Variants in TMEM182 observed in about 807,000 individuals in gnomAD.
TMEM182 encodes the protein transmembrane protein 182.
A neutral mutation model predicts 26.8 loss-of-function variants in TMEM182; 20 were observed. The observed-to-expected ratio is 0.75, with a 90% CI of 0.53 to 1.09. The LOEUF is 1.09. Ranked by LOEUF, TMEM182 falls within the 50% of genes least tolerant of loss-of-function variation. TMEM182 has a pLI of 0.00. For synonymous variants in TMEM182, 109 were observed against 102.2 expected, an observed-to-expected ratio of 1.07 and a Z score of -0.40; for missense variants, 277 against 275.5, an observed-to-expected ratio of 1.01 and a Z score of -0.04.
At position 102,816,819 on chromosome 2, in the gene TMEM182, A is replaced by G; in HGVS notation, c.*1851A>G. 1.0e-6 allele frequency: 1 copy of G among 985,810 alleles called. No individual in the cohort carries two copies. 61.1% of individuals were successfully genotyped at this position (985,810 alleles called of 1,614,324 possible). A position where few individuals can be genotyped will look rare whatever the true frequency, so the allele number is the denominator to read the frequency against. On this transcript the variant is annotated 3_prime_UTR_variant, in exon 5 of 5. Coordinates refer to ENST00000412401, the MANE Select transcript of TMEM182 (RefSeq NM_144632.5). ...TGTAAATACAATTCTTTTTTGTAGT[A>G]CTTTGGAATGGAGCCTTTTTCTGGT...
intron 4 of TMEM182, among the ~76,000 whole-genome samples, chr2:102,808,953 A>G (rs1318856746): frequency 6.6e-6 from 1 of 152,264 alleles, no homozygotes; most frequent in East Asian, 1.9e-4. Context: ...AGTGATGCAT[A>G]CATTCTATTT....
chr2:102,787,676 C>T (rs551456711), intron 3 of TMEM182, among the ~76,000 whole-genome samples: 2 of 152,152 alleles, frequency 1.3e-5, no homozygotes, highest in Admixed American at 6.6e-5. Flanking sequence ...GCGGACATAG[C>T]AGGAGGAGCC....
intron 4 of TMEM182, among the ~76,000 whole-genome samples, chr2:102,809,101 C>CT (rs1162141837): frequency 3.3e-5 from 5 of 152,302 alleles, no homozygotes; most frequent in South Asian, 2.1e-4. Flanking sequence ...ACCTGGAATA[C>CT]TTTTGCCCAT....
chr2:102,815,431 C>A lies in TMEM182; in HGVS notation c.*463C>A. The A allele has an allele frequency of 2.0e-6, 2 of 990,046 alleles. No homozygotes were observed. Among genetic ancestry groups the A allele is most frequent in the African/African-American group, 3.5e-5 (2 of 57,390 alleles). 61.3% of individuals were successfully genotyped at this position (990,046 alleles called of 1,614,324 possible). On this transcript the variant is annotated 3_prime_UTR_variant, in exon 5 of 5. Transcript: ENST00000412401. ...CCCACACAGATAATATCCACATACA[C>A]ATTCACTGGCTCTTGTGAGCAAATG...
chr2:102,818,008 G>A (rs1458380665), downstream of TMEM182, among the ~76,000 whole-genome samples: 1 of 152,204 alleles, frequency 6.6e-6, no homozygotes, highest in Non-Finnish European at 1.5e-5. Context: ...AAGAGACTTA[G>A]AATGTCAGAG....
intron 3 of TMEM182, among the ~76,000 whole-genome samples, chr2:102,796,548 GC>G (rs1397358875): frequency 4.6e-5 from 7 of 152,268 alleles, no homozygotes; most frequent in Non-Finnish European, 7.4e-5. Flanking sequence ...CAAATATTTG[GC>G]CACACTCTGC....
At chr2:102,762,737 A>C in intron 2 of TMEM182, 51 bp downstream of exon 2, 2 of 1,448,326 alleles carry the variant, frequency 1.4e-6, no homozygotes, top group Non-Finnish European at 1.9e-6. Context: ...ATAAAAATGA[A>C]CAGTTTCTTA....
At chr2:102,752,009 C>A (rs1249692252) in intron 1 of TMEM182, among the ~76,000 whole-genome samples, 1 of 152,146 alleles carries the variant, frequency 6.6e-6, no homozygotes, top group Non-Finnish European at 1.5e-5. Context: ...CAGAGCCCAC[C>A]CTTTTGATCT....
At chr2:102,813,488 C>A (rs1225015838) in intron 4 of TMEM182, among the ~76,000 whole-genome samples, 3 of 152,142 alleles carry the variant, frequency 2.0e-5, no homozygotes, top group Non-Finnish European at 2.9e-5. Context: ...AGATCCTTGG[C>A]ATGTTTGGAT....
chr2:102,786,449 G>A lies in TMEM182; in HGVS notation c.332-11414G>A, dbSNP rs567205467. ...AGGCTGGTCTTGAACTCCTGACCTC[G>A]TGATCCACCTGCCTTGGCCTCCCAA... On this transcript the variant is annotated intron_variant, in intron 3 of 4. Transcript: ENST00000412401. Among the ~76,000 whole-genome samples the A allele has an allele frequency of 1.8e-3, 275 of 152,184 alleles. 1 individual carries two copies. Among genetic ancestry groups the A allele is most frequent in the Non-Finnish European group, 3.2e-3 (220 of 67,998 alleles).
At chr2:102,775,856 A>C (rs963532848) in intron 3 of TMEM182, among the ~76,000 whole-genome samples, 3 of 152,190 alleles carry the variant, frequency 2.0e-5, no homozygotes, top group African/African-American at 7.2e-5. Context: ...CTCTTCAAGG[A>C]GATTTCTTTC....
At chr2:102,843,513 G>A (rs1305778371) in exon 4 of TMEM182, 3 of 152,184 alleles carry the variant, frequency 2.0e-5, no homozygotes, top group Admixed American at 6.5e-5. Flanking sequence ...ACTCCTTCAA[G>A]CCCTTATGCC....
chr2:102,816,418 T>C lies in TMEM182; in HGVS notation c.*1450T>C. The C allele has an allele frequency of 2.0e-6, 2 of 985,178 alleles. No homozygotes were observed. The highest frequency in any genetic ancestry group is 2.4e-6 in the Non-Finnish European group (2 of 829,890). The allele number at this position is 985,178 out of a possible 1,614,324, so 61.0% of individuals were successfully genotyped here. On this transcript the variant is annotated 3_prime_UTR_variant, in exon 5 of 5. Transcript: ENST00000412401. Reference sequence around the variant, plus strand: ...ATCCCAGTCTTCTCTGTACATCTTGTGCTTTTCCATTAAGACTTGTTCCAG... The same window carrying C: ...ATCCCAGTCTTCTCTGTACATCTTGCGCTTTTCCATTAAGACTTGTTCCAG...
intron 3 of TMEM182, among the ~76,000 whole-genome samples, chr2:102,840,084 T>A (rs576418949): frequency 6.6e-6 from 1 of 152,236 alleles, no homozygotes; most frequent in Admixed American, 6.5e-5. Flanking sequence ...ATCCTAAAAA[T>A]AGAGGCTGCA....
chr2:102,746,282 G>A (rs956097720), intron 1 of TMEM182, among the ~76,000 whole-genome samples: 25 of 151,480 alleles, frequency 1.7e-4, no homozygotes, highest in Non-Finnish European at 7.4e-5. Flanking sequence ...TTTTAATTGC[G>A]ATTTTTTTTA....
chr2:102,809,555 G>T (rs1241785458), intron 4 of TMEM182, among the ~76,000 whole-genome samples: 1 of 152,110 alleles, frequency 6.6e-6, no homozygotes, highest in East Asian at 1.9e-4. Context: ...CATTTTCCCT[G>T]TTGCAGAATG....
chr2:102,741,334 A>G (rs1385107647), intron 1 of TMEM182, among the ~76,000 whole-genome samples: 1 of 152,208 alleles, frequency 6.6e-6, no homozygotes, highest in Admixed American at 6.5e-5. Context: ...CCACAATTTA[A>G]TGGATGTTAC....
chr2:102,787,177 G>A (rs1025936687), intron 3 of TMEM182, among the ~76,000 whole-genome samples: 1 of 152,236 alleles, frequency 6.6e-6, no homozygotes, highest in African/African-American at 2.4e-5. Context: ...TTTCTCAGAT[G>A]AAGGAGAAGA....
rs537230079 is a variant in TMEM182 at position 102,827,491 on chromosome 2, G to C, written c.326-15921G>C. The stretch of plus-strand genomic sequence containing the variant: ...ACTTCAAAAATGTTCTCAGCTTCAC[G>C]GCCCTCCAGTCTGGGTTTCTGTGCT... On this transcript the variant is annotated intron_variant, in intron 3 of 3. Transcript: ENST00000486293. Among the ~76,000 whole-genome samples, 11 of 152,268 alleles carry C rather than the reference G, an allele frequency of 7.2e-5. No homozygotes were observed. The East Asian group carries it at 2.1e-3, about 29-fold the overall frequency.
Sources: allele counts gnomAD v4.1 joint callset (sites outside exome capture counted in the v4.1 genomes callset), GRCh38; gene constraint gnomAD v4.1.1; transcripts MANE v1.5; gene names NCBI Gene and HGNC (gene_info 2026-07-23, HGNC 2026-07-21).